The following CHODL variants were observed in gnomAD, a reference collection of about 807,000 sequenced individuals.
The protein encoded by CHODL is transmembrane protein MT75.
A neutral mutation model predicts 34.5 loss-of-function variants in CHODL; 29 were observed. That is an observed-to-expected ratio of 0.84 (90% confidence interval 0.63 to 1.15). The LOEUF (loss-of-function observed/expected upper bound fraction) is 1.15, where lower values mean the gene tolerates loss of function less well. Ranked by LOEUF, CHODL falls within the 50% of genes most tolerant of loss-of-function variation. The pLI, the probability that CHODL is intolerant of heterozygous loss-of-function variation, is 0.00. For missense variants in CHODL, 332 were observed against 332.5 expected (o/e 1.00, Z 0.01); for synonymous variants, 125 against 116.1 (o/e 1.08, Z -0.49).
intron 2 of CHODL, among the ~76,000 whole-genome samples, chr21:18,089,358 A>G (rs796220288): frequency 9.2e-5 from 14 of 152,166 alleles, no homozygotes; most frequent in African/African-American, 3.4e-4. Flanking sequence ...CATAACATTT[A>G]TGTGTCATTT....
At chr21:18,204,439 C>T (rs1389318448) in intron 2 of CHODL, among the ~76,000 whole-genome samples, 4 of 151,956 alleles carry the variant, frequency 2.6e-5, no homozygotes, top group Non-Finnish European at 5.9e-5. Flanking sequence ...AAACCCTTAC[C>T]GGCAACTATT....
Position 18,262,794 on chromosome 21 carries a change from T to C in CHODL, c.638T>C (p.Ile213Thr). ...TGAAGACTGTTTTATTTTGTAGGTA[T>C]AATTCCCAATCTAATTTATGTTGTT... is the stretch of plus-strand genomic sequence containing the variant. ...HQNVVVTEAGIIPNLIYVVIP... is the reference protein window; with the variant it reads ...HQNVVVTEAGTIPNLIYVVIP... Residue 213 changes from isoleucine (I) to threonine (T), a missense_variant, in exon 5 of 6, where the codon ATA (isoleucine) becomes ACA (threonine). Ile to Thr is a moderately conservative substitution (Grantham distance 89). Coordinates refer to ENST00000299295, the MANE Select transcript of CHODL (RefSeq NM_024944.3). 2 of 1,550,006 alleles carry C rather than the reference T, an allele frequency of 1.3e-6. No individual in the cohort carries two copies. Among genetic ancestry groups the C allele is most frequent in the South Asian group, 1.1e-5 (1 of 89,372 alleles).
In CHODL at chr21:17,943,145, T is replaced by C. The variant is rs571058154; in HGVS notation, c.-145+25745T>C. ...TTGGCAGTGTGAGAACAGACTAATA[T>C]AGAAGATTTGATTAAAGTCCATAGT... On this transcript the variant is annotated intron_variant, in intron 1 of 6. Transcript: ENST00000400127. Among the ~76,000 whole-genome samples, 3 of 152,346 alleles carry C rather than the reference T, an allele frequency of 2.0e-5. No individual in the cohort carries two copies. In the East Asian group the frequency reaches 5.8e-4, roughly 29 times the overall value.
chr21:18,134,453 C>T (rs1220010927), intron 2 of CHODL: 5 of 468,202 alleles, frequency 1.1e-5, no homozygotes, highest in South Asian at 3.1e-5. Flanking sequence ...TCTTTCTTTG[C>T]TCCTTTCCTT....
chr21:18,081,625 G>A (rs2064942591), intron 2 of CHODL, among the ~76,000 whole-genome samples: 1 of 151,118 alleles, frequency 6.6e-6, no homozygotes, highest in African/African-American at 2.4e-5. Context: ...AGGTTGCAGT[G>A]AGCTGAGATT....
chr21:18,145,361 C>T (rs547651392), intron 2 of CHODL, among the ~76,000 whole-genome samples: 13 of 136,208 alleles, frequency 9.5e-5, no homozygotes, highest in South Asian at 2.6e-4. Context: ...GGCGTGAACC[C>T]GGGAGGCGGA....
At chr21:17,949,788 G>A (rs1469082712) in intron 1 of CHODL, among the ~76,000 whole-genome samples, 5 of 152,114 alleles carry the variant, frequency 3.3e-5, no homozygotes. Flanking sequence ...AAAGTAAAGG[G>A]GGTAAATATG....
intron 2 of CHODL, among the ~76,000 whole-genome samples, chr21:18,085,872 G>A (rs2064999814): frequency 6.6e-6 from 1 of 151,916 alleles, no homozygotes; most frequent in Admixed American, 6.6e-5. Context: ...GGATTGGTGG[G>A]CCTTCTATGT....
intron 2 of CHODL, among the ~76,000 whole-genome samples, chr21:18,180,522 A>G (rs1012565647): frequency 6.6e-6 from 1 of 152,212 alleles, no homozygotes; most frequent in African/African-American, 2.4e-5. Flanking sequence ...TTTAAAATCC[A>G]CAGCTCAAAG....
chr21:17,988,618 A>G (rs2063773434), intron 1 of CHODL, among the ~76,000 whole-genome samples: 4 of 110,898 alleles, frequency 3.6e-5, no homozygotes, highest in Non-Finnish European at 1.7e-5. Flanking sequence ...CTCATTGTTC[A>G]ATTCCCACCT....
intron 2 of CHODL, among the ~76,000 whole-genome samples, chr21:18,137,570 T>C (rs2072748858): frequency 6.6e-6 from 1 of 152,156 alleles, no homozygotes; most frequent in South Asian, 2.1e-4. Context: ...GCAATATCAC[T>C]CTCAACCTTT....
chr21:18,201,038 G>A (rs2073645347), intron 2 of CHODL, among the ~76,000 whole-genome samples: 1 of 152,088 alleles, frequency 6.6e-6, no homozygotes, highest in Non-Finnish European at 1.5e-5. Context: ...ATAAATTTCT[G>A]TTGTCTTAAG....
intron 2 of CHODL, among the ~76,000 whole-genome samples, chr21:18,031,319 C>G (rs1241514106): frequency 1.3e-5 from 2 of 152,066 alleles, no homozygotes. Context: ...CATTTTCACT[C>G]TGAAAATACT....
chr21:17,947,477 T>C (rs1350526014), intron 1 of CHODL, among the ~76,000 whole-genome samples: 4 of 151,884 alleles, frequency 2.6e-5, no homozygotes, highest in Admixed American at 2.0e-4. Context: ...TTGCAAACTG[T>C]GCATCTGACA....
intron 2 of CHODL, among the ~76,000 whole-genome samples, chr21:18,139,657 C>G (rs2146607904): frequency 6.6e-6 from 1 of 152,132 alleles, no homozygotes; most frequent in African/African-American, 2.4e-5. Flanking sequence ...CTTTGCAGGC[C>G]CATTCAGAGA....
At chr21:17,937,240 G>A (rs2063326386) in intron 1 of CHODL, among the ~76,000 whole-genome samples, 1 of 152,192 alleles carries the variant, frequency 6.6e-6, no homozygotes, top group South Asian at 2.1e-4. Flanking sequence ...GGGACAGAAG[G>A]AGAGGGGCAG....
chr21:17,981,106 T>C (rs1488065872), intron 1 of CHODL, among the ~76,000 whole-genome samples: 1 of 152,186 alleles, frequency 6.6e-6, no homozygotes, highest in Non-Finnish European at 1.5e-5. Flanking sequence ...CTGATGTCAC[T>C]ATATTTAGCT....
chr21:18,132,797 A>G (rs912273206), intron 2 of CHODL, among the ~76,000 whole-genome samples: 2 of 152,064 alleles, frequency 1.3e-5, no homozygotes, highest in Non-Finnish European at 2.9e-5. Context: ...TATTAAAGGC[A>G]TTTGTTGCAC....
intron 1 of CHODL, among the ~76,000 whole-genome samples, chr21:17,917,720 C>T (rs963373523): frequency 5.9e-5 from 9 of 152,160 alleles, no homozygotes; most frequent in Non-Finnish European, 1.5e-5. Context: ...GAAAGGTGAC[C>T]ATTGATGTGG....
Sources: allele counts gnomAD v4.1 joint callset (sites outside exome capture counted in the v4.1 genomes callset), GRCh38; gene constraint gnomAD v4.1.1; transcripts MANE v1.5; gene names NCBI Gene and HGNC (gene_info 2026-07-23, HGNC 2026-07-21).